The following TIE1 variants were observed in gnomAD, a reference collection of about 807,000 sequenced individuals.
TIE1 encodes the protein tyrosine kinase with immunoglobulin like and EGF like domains 1.
Under a neutral mutation model 130.5 loss-of-function variants are expected in TIE1, and 89 were observed. The observed-to-expected ratio is 0.68, with a 90% CI of 0.57 to 0.81. TIE1 has a LOEUF of 0.81. TIE1 is among the 40% of genes least tolerant of loss of function. The pLI, the probability that TIE1 is intolerant of heterozygous loss-of-function variation, is 0.00. For synonymous variants in TIE1, 568 were observed against 629.4 expected (o/e 0.90, Z 1.46); for missense variants, 1,392 against 1,559.8 (o/e 0.89, Z 1.81).
chr1:43,317,570 C>A lies in TIE1; in HGVS notation c.2627C>A (p.Ala876Asp), dbSNP rs535577409. Residue 876 changes from alanine to aspartate, a missense_variant, in exon 16 of 23, where the codon GCC (alanine) becomes GAC (aspartate). Around this residue, in one of 6 missense-constraint regions of TIE1, gnomAD observed 286 missense variants for 354.4 expected, o/e 0.81. Coordinates refer to ENST00000372476, the MANE Select transcript of TIE1 (RefSeq NM_005424.5). The surrounding 1 kb of genome is among the most constrained non-coding windows in gnomAD (Gnocchi z 5.1). ...TATTGGATTCTTTACACAGAGTATG[C>A]CTCTGAAAATGACCATCGTGACTTT... ...NAAIKMLKEY[A>D]SENDHRDFAG... 50 of 1,608,616 alleles carry A rather than the reference C, an allele frequency of 3.1e-5. No individual in the cohort carries two copies. The highest frequency in any genetic ancestry group is 4.0e-5 in the Non-Finnish European group (47 of 1,176,474).
chr1:43,321,565 C>A, intron 21 of TIE1, 51 bp from the exon 22 acceptor site: 1 of 1,555,562 alleles, frequency 6.4e-7, no homozygotes, highest in East Asian at 2.4e-5. Context: ...TCCCTGTGAC[C>A]CCATCACCCC....
At position 43,307,276 on chromosome 1, in the gene TIE1, A is replaced by G. The variant is rs751118294; in HGVS notation, c.772+3A>G. Reference sequence around the variant, plus strand: ...CACTGGCACCCGCTGTGAACAGGGTAAGGAGGAGGGGAGCTAGGACCCAGG... The same window carrying G: ...CACTGGCACCCGCTGTGAACAGGGTGAGGAGGAGGGGAGCTAGGACCCAGG... On this transcript the variant is annotated splice_donor_region_variant and intron_variant, in intron 5 of 22. Coordinates refer to ENST00000372476, the MANE Select transcript of TIE1 (RefSeq NM_005424.5). The surrounding 1 kb of genome is among the most constrained non-coding windows in gnomAD (Gnocchi z 5.4). 4.3e-6 allele frequency: 7 copies of G among 1,613,986 alleles called. No homozygotes were observed. Among genetic ancestry groups the G allele is most frequent in the African/African-American group, 2.7e-5 (2 of 75,022 alleles).
rs72684088 is a variant in TIE1, at chr1:43,305,784, C to T, written c.484+441C>T. Among the ~76,000 whole-genome samples, 493 of 152,362 alleles carry T rather than the reference C, an allele frequency of 3.2e-3. 1 individual carries two copies. The highest frequency in any genetic ancestry group is 5.2e-3 in the Non-Finnish European group (356 of 68,036). ...AGATCCTTGATGCCCAAGACAGCCTCATGCTGAGGCCTGGGTAGACCCGTG... is the reference window on the plus strand; with the variant it reads ...AGATCCTTGATGCCCAAGACAGCCTTATGCTGAGGCCTGGGTAGACCCGTG... On this transcript the variant is annotated intron_variant, in intron 3 of 22. Coordinates refer to ENST00000372476, the MANE Select transcript of TIE1 (RefSeq NM_005424.5).
chr1:43,312,925 A>G lies in TIE1; in HGVS notation c.1928-210A>G, dbSNP rs1362027022. ...CGGATGTGGAGAGGACTTGGGATAC[A>G]AGAAGTACAAGGAGAAGCAGAAGCT... On this transcript the variant is annotated intron_variant, in intron 12 of 22. Transcript: ENST00000372476. This position sits in a 1 kb window ranked among gnomAD's most constrained non-coding sequence, Gnocchi z 5.6. Among the ~76,000 whole-genome samples the G allele has an allele frequency of 1.3e-5, 2 of 152,000 alleles. No individual in the cohort carries two copies. Among genetic ancestry groups the G allele is most frequent in the East Asian group, 3.9e-4 (2 of 5,166 alleles).
In TIE1 at chr1:43,305,142, T is replaced by C. The variant is rs756923917; in HGVS notation, c.350T>C (p.Ile117Thr). 3.8e-5 allele frequency: 62 copies of C among 1,613,794 alleles called. No homozygotes were observed. Among genetic ancestry groups the C allele is most frequent in the Admixed American group, 1.7e-4 (10 of 59,980 alleles). Reference sequence around the variant, plus strand: ...GCTGGGGCGCGGCGCACGCGCGTCATCTACGTGCACAACAGCCCTGGAGGT... The same window carrying C: ...GCTGGGGCGCGGCGCACGCGCGTCACCTACGTGCACAACAGCCCTGGAGGT... ...GGAGARRTRV[I>T]YVHNSPGAHL... The change falls in exon 2 of 23, where the codon ATC becomes ACC. Residue 117 changes from isoleucine to threonine, a missense_variant. This residue lies in a region of TIE1 where 415 missense variants were observed against 424.8 expected (regional missense o/e 0.98). Transcript: ENST00000372476.
chr1:43,314,071 G>T, intron 14 of TIE1, 103 bp downstream of exon 14: 1 of 1,203,224 alleles, frequency 8.3e-7, no homozygotes, highest in Non-Finnish European at 1.2e-6. Flanking sequence ...GTGTGTGTGT[G>T]TGTGTTTATG....
Position 43,305,021 on chromosome 1 carries a change from C to T in TIE1, c.229C>T (p.Pro77Ser), listed in dbSNP as rs186858444. Residue 77 changes from proline to serine, a missense_variant, in exon 2 of 23, where the codon CCC becomes TCC. Pro to Ser is a moderately conservative substitution (Grantham distance 74, BLOSUM62 -1). Transcript: ENST00000372476. ...DRIVRTPPGP[P>S]LRLARNGSHQ... ...TATCGTGCGCACCCCGCCCGGGCCACCCCTGCGCCTGGCGCGCAACGGTTC... is the reference window on the plus strand; with the variant it reads ...TATCGTGCGCACCCCGCCCGGGCCATCCCTGCGCCTGGCGCGCAACGGTTC... The T allele has an allele frequency of 1.5e-3, 2,364 of 1,573,608 alleles. 40 individuals carry two copies. In the African/African-American group the frequency reaches 0.03, roughly 20 times the overall value.
Position 43,319,205 on chromosome 1 carries a change from G to T in TIE1, c.2923-30G>T. On this transcript the variant is annotated intron_variant, in intron 17 of 22. Coordinates refer to ENST00000372476, the MANE Select transcript of TIE1 (RefSeq NM_005424.5). The surrounding 1 kb of genome is among the most constrained non-coding windows in gnomAD (Gnocchi z 4.7). ...ACTGTCCTGGGCTCCCTCATCCCCA[G>T]TCTCTCCTGACTTCTGACCCTGCCT... 6.4e-7 allele frequency: 1 copy of T among 1,570,972 alleles called. No homozygotes were observed. Among genetic ancestry groups the T allele is most frequent in the Non-Finnish European group, 8.8e-7 (1 of 1,140,696 alleles).
rs781455862 is a variant in TIE1 at position 43,312,410 on chromosome 1, G to C, written c.1736G>C (p.Gly579Ala). ...GTGCCCGGGCCACTGGTGGGCGACG[G>C]TTTCCTGCTGCGCCTGTGGGACGGG... is the stretch of plus-strand genomic sequence containing the variant. ...PLVPGPLVGD[G>A]FLLRLWDGTR... is the part of the protein sequence containing the mutation. Residue 579 changes from glycine to alanine, a missense_variant, in exon 12 of 23, where the codon GGT (glycine) becomes GCT (alanine). This residue lies in a region of TIE1 where 551 missense variants were observed against 565.5 expected (regional missense o/e 0.97). Coordinates refer to ENST00000372476, the MANE Select transcript of TIE1 (RefSeq NM_005424.5). The surrounding 1 kb of genome is among the most constrained non-coding windows in gnomAD (Gnocchi z 5.6). 1 of 1,609,472 alleles carries C rather than the reference G, an allele frequency of 6.2e-7. No individual in the cohort carries two copies. Among genetic ancestry groups the C allele is most frequent in the Non-Finnish European group, 8.5e-7 (1 of 1,178,256 alleles).
intron 1 of TIE1, among the ~76,000 whole-genome samples, chr1:43,303,375 C>T (rs1646689378): frequency 6.6e-6 from 1 of 152,160 alleles, no homozygotes; most frequent in Non-Finnish European, 1.5e-5. Flanking sequence ...CATGATCCTC[C>T]TCTGTAACTG....
rs758249663 is a variant in TIE1, at chr1:43,313,258, C to G, written c.2051C>G (p.Ala684Gly). 3 of 1,614,028 alleles carry G rather than the reference C, an allele frequency of 1.9e-6. No individual in the cohort carries two copies. The highest frequency in any genetic ancestry group is 2.5e-6 in the Non-Finnish European group (3 of 1,179,934). ...AAGTACGTTGTGGAGGTGCAGGTGG[C>G]TGGGGGTGCAGGAGACCCACTGTGG... The part of the protein sequence containing the change: ...ISKYVVEVQV[A>G]GGAGDPLWID... Residue 684 changes from alanine (A) to glycine (G), a missense_variant, in exon 13 of 23, where the codon GCT (alanine) becomes GGT (glycine). Around this residue, in one of 6 missense-constraint regions of TIE1, gnomAD observed 551 missense variants for 565.5 expected, o/e 0.97. Coordinates refer to ENST00000372476, the MANE Select transcript of TIE1 (RefSeq NM_005424.5). The surrounding 1 kb of genome is among the most constrained non-coding windows in gnomAD (Gnocchi z 6.2).
chr1:43,306,954 C>G lies in TIE1; in HGVS notation c.599C>G (p.Ala200Gly), dbSNP rs751594832. 22 of 1,614,008 alleles carry G rather than the reference C, an allele frequency of 1.4e-5. No individual in the cohort carries two copies. The highest frequency in any genetic ancestry group is 1.7e-5 in the Non-Finnish European group (20 of 1,180,012). The change falls in exon 4 of 23, where the codon GCC (alanine) becomes GGC (glycine). Residue 200 changes from alanine to glycine, a missense_variant. By Grantham distance (60) the Ala-to-Gly change is moderately conservative. This residue lies in a region of TIE1 where 415 missense variants were observed against 424.8 expected (regional missense o/e 0.98). Coordinates refer to ENST00000372476, the MANE Select transcript of TIE1 (RefSeq NM_005424.5). The surrounding 1 kb of genome is among the most constrained non-coding windows in gnomAD (Gnocchi z 4.9). ...SGIYSATYLE[A>G]SPLGSAFFRL... ...ATCTACAGTGCCACTTACCTGGAAGCCAGCCCCCTGGGCAGCGCCTTCTTT... is the reference window on the plus strand; with the variant it reads ...ATCTACAGTGCCACTTACCTGGAAGGCAGCCCCCTGGGCAGCGCCTTCTTT...
intron 1 of TIE1, among the ~76,000 whole-genome samples, chr1:43,303,231 G>C (rs539115952): frequency 3.9e-5 from 6 of 152,272 alleles, no homozygotes; most frequent in Admixed American, 1.3e-4. Flanking sequence ...GCACTGGAGA[G>C]GAGCAGATTT....
chr1:43,319,471 G>A lies in TIE1; in HGVS notation c.3049G>A (p.Val1017Met), dbSNP rs1198500585. ...CATTCTCTCCTAGGGGCGTCTCCCTGTGCGCTGGATGGCCATTGAGTCCCT... is the reference window on the plus strand; with the variant it reads ...CATTCTCTCCTAGGGGCGTCTCCCTATGCGCTGGATGGCCATTGAGTCCCT... ...YVKKTMGRLPVRWMAIESLNY... is the reference protein window; with the variant it reads ...YVKKTMGRLPMRWMAIESLNY... The change falls in exon 19 of 23, where the codon GTG becomes ATG. Residue 1017 changes from valine (V) to methionine (M), a missense_variant. Around this residue, in one of 6 missense-constraint regions of TIE1, gnomAD observed 286 missense variants for 354.4 expected, o/e 0.81. Transcript: ENST00000372476. The surrounding 1 kb of genome is among the most constrained non-coding windows in gnomAD (Gnocchi z 4.7). 2 of 1,613,982 alleles carry A rather than the reference G, an allele frequency of 1.2e-6. No homozygotes were observed. The highest frequency in any genetic ancestry group is 1.3e-5 in the African/African-American group (1 of 74,884).
rs1465683765 is a variant in TIE1 at position 43,309,223 on chromosome 1, C to A, written c.1188+92C>A. ...CCCCCTAGTCCCTCAGAACTTTCTGCAGGGCCCACCCATTGGCCTGACCAT... is the reference window on the plus strand; with the variant it reads ...CCCCCTAGTCCCTCAGAACTTTCTGAAGGGCCCACCCATTGGCCTGACCAT... On this transcript the variant is annotated intron_variant, in intron 8 of 22. Coordinates refer to ENST00000372476, the MANE Select transcript of TIE1 (RefSeq NM_005424.5). This position sits in a 1 kb window ranked among gnomAD's most constrained non-coding sequence, Gnocchi z 6.3. 6.6e-7 allele frequency: 1 copy of A among 1,514,018 alleles called. No homozygotes were observed. Among genetic ancestry groups the A allele is most frequent in the Non-Finnish European group, 8.9e-7 (1 of 1,129,266 alleles). The allele number at this position is 1,514,018 out of a possible 1,614,324, so 93.8% of individuals were successfully genotyped here. A position where few individuals can be genotyped will look rare whatever the true frequency, so the allele number is the denominator to read the frequency against.
chr1:43,320,560 A>G (rs1646903471), intron 19 of TIE1: 1 of 152,254 alleles, frequency 6.6e-6, no homozygotes, highest in Non-Finnish European at 1.5e-5. Flanking sequence ...TCTACTAAAA[A>G]TACAAAACAT....
chr1:43,305,593 T>C (rs556012399), intron 3 of TIE1, among the ~76,000 whole-genome samples: 1 of 152,296 alleles, frequency 6.6e-6, no homozygotes, highest in African/African-American at 2.4e-5. Context: ...TAGCCCCAAA[T>C]GAGCACGATG....
chr1:43,308,878 G>T (rs1406421252), intron 7 of TIE1, 108 bp from the exon 8 acceptor site: 1 of 1,486,922 alleles, frequency 6.7e-7, no homozygotes, highest in Non-Finnish European at 9.4e-7. Flanking sequence ...CAGGCTGGAG[G>T]GACTGGGTAG....
chr1:43,305,468 T>C, intron 3 of TIE1, 125 bp downstream of exon 3: 2 of 838,718 alleles, frequency 2.4e-6, no homozygotes, highest in South Asian at 3.7e-5. Context: ...GCCTCTCCTC[T>C]GTAGTGGACC....
Sources: allele counts gnomAD v4.1 joint callset (sites outside exome capture counted in the v4.1 genomes callset), GRCh38; gene constraint gnomAD v4.1.1; regional missense constraint gnomAD v4.1.1; non-coding constraint Gnocchi (gnomAD v3.1); transcripts MANE v1.5; gene names NCBI Gene and HGNC (gene_info 2026-07-23, HGNC 2026-07-21).